CAMTA1: variants seen among roughly 807,000 people sequenced by gnomAD.
CAMTA1 encodes the protein calmodulin binding transcription activator 1, also known as calmodulin-binding transcription activator 1.
CAMTA1 carries 27 observed loss-of-function variants against 170.9 expected under a neutral mutation model. That is an observed-to-expected ratio of 0.16 (90% CI 0.12 to 0.22). The LOEUF (loss-of-function observed/expected upper bound fraction) is 0.22. CAMTA1 is among the 10% of genes least tolerant of loss of function. The pLI is 1.00. For missense variants in CAMTA1, 1,619 were observed against 2,217.2 expected (o/e 0.73, Z 5.42); for synonymous variants, 833 against 891.5 (o/e 0.93, Z 1.17).
At chr1:7,166,716 C>G (rs1237029278) in intron 4 of CAMTA1, among the ~76,000 whole-genome samples, 3 of 149,728 alleles carry the variant, frequency 2.0e-5, no homozygotes, top group African/African-American at 7.4e-5. Context: ...TGAGTTTGCT[C>G]TATGCATTAC....
chr1:7,574,492 G>A (rs561386121), intron 6 of CAMTA1, among the ~76,000 whole-genome samples: 1 of 152,162 alleles, frequency 6.6e-6, no homozygotes, highest in Non-Finnish European at 1.5e-5. Flanking sequence ...AATTACCTGA[G>A]GGGCTGACTC....
chr1:7,124,715 C>T (rs970042344), intron 4 of CAMTA1, among the ~76,000 whole-genome samples: 11 of 152,214 alleles, frequency 7.2e-5, no homozygotes, highest in Non-Finnish European at 4.4e-5. Context: ...GTTCTTGAGT[C>T]CCCACGGCGA....
Position 7,634,823 on chromosome 1 carries a change from C to T in CAMTA1, c.511-5577C>T, listed in dbSNP as rs769586589. ...TTGGTGGTGGTTGGTGGTGGTAGAG[C>T]GGGGCCTCTGTCTCTCCTGACGACA... On this transcript the variant is annotated intron_variant, in intron 6 of 22. Coordinates refer to ENST00000303635, the MANE Select transcript of CAMTA1 (RefSeq NM_015215.4). The surrounding 1 kb of genome is among the most constrained non-coding windows in gnomAD (Gnocchi z 6.2). Among the ~76,000 whole-genome samples the T allele has an allele frequency of 9.2e-5, 14 of 152,096 alleles. No homozygotes were observed. Among genetic ancestry groups the T allele is most frequent in the Non-Finnish European group, 1.5e-4 (10 of 68,000 alleles).
chr1:6,939,125 C>A (rs987729189), intron 3 of CAMTA1, among the ~76,000 whole-genome samples: 1 of 152,136 alleles, frequency 6.6e-6, no homozygotes, highest in African/African-American at 2.4e-5. Flanking sequence ...TGTTATGAGA[C>A]CCTAGGGCCT....
intron 6 of CAMTA1, among the ~76,000 whole-genome samples, chr1:7,608,689 A>G (rs887411594): frequency 6.6e-6 from 1 of 152,288 alleles, no homozygotes; most frequent in African/African-American, 2.4e-5. Context: ...ACTGGCCATC[A>G]GTTTGATCTG....
chr1:7,478,158 G>A (rs988886589), intron 6 of CAMTA1, among the ~76,000 whole-genome samples: 2 of 152,156 alleles, frequency 1.3e-5, no homozygotes, highest in Non-Finnish European at 2.9e-5. Flanking sequence ...CTTTCCAGCA[G>A]CTTTTACTCT....
intron 5 of CAMTA1, among the ~76,000 whole-genome samples, chr1:7,355,821 A>T (rs1055063559): frequency 8.8e-6 from 1 of 113,938 alleles, no homozygotes; most frequent in African/African-American, 3.5e-5. Context: ...CTCACAGGCC[A>T]CCTTGCTGGT....
chr1:7,279,149 A>G (rs1321829983), intron 5 of CAMTA1, among the ~76,000 whole-genome samples: 2 of 152,192 alleles, frequency 1.3e-5, no homozygotes, highest in African/African-American at 4.8e-5. Flanking sequence ...TGAACCCCGC[A>G]GTGCACCTAT....
chr1:7,096,830 C>T (rs1377029578), intron 4 of CAMTA1, among the ~76,000 whole-genome samples: 2 of 152,170 alleles, frequency 1.3e-5, no homozygotes, highest in African/African-American at 2.4e-5. Flanking sequence ...TTGATTCCAT[C>T]GTTATTCTAC....
At chr1:6,966,235 C>T (rs1190159485) in intron 3 of CAMTA1, among the ~76,000 whole-genome samples, 1 of 152,168 alleles carries the variant, frequency 6.6e-6, no homozygotes, top group African/African-American at 2.4e-5. Flanking sequence ...TATTCAATTC[C>T]ATGGCTTTTA....
chr1:7,071,921 G>T (rs943062568), intron 3 of CAMTA1, among the ~76,000 whole-genome samples: 1 of 152,252 alleles, frequency 6.6e-6, no homozygotes, highest in African/African-American at 2.4e-5. Flanking sequence ...TGAAGCAGAG[G>T]TTGGCTCTGC....
rs2095305710 is a variant in CAMTA1, at chr1:7,585,869, T to G, written c.511-54531T>G. Among the ~76,000 whole-genome samples, 1 of 150,708 alleles carries G rather than the reference T, an allele frequency of 6.6e-6. No individual in the cohort carries two copies. The highest frequency in any genetic ancestry group is 1.5e-5 in the Non-Finnish European group (1 of 67,680). ...CACCTCCCCTGCCTCCCACCTCCCC[T>G]CTCGATGCGGCTTTCATTATGTAAA... On this transcript the variant is annotated intron_variant, in intron 6 of 22. Transcript: ENST00000303635. This position sits in a 1 kb window ranked among gnomAD's most constrained non-coding sequence, Gnocchi z 4.8.
chr1:7,178,551 T>G (rs1271473337), intron 4 of CAMTA1, among the ~76,000 whole-genome samples: 1 of 152,154 alleles, frequency 6.6e-6, no homozygotes, highest in Non-Finnish European at 1.5e-5. Flanking sequence ...CTCTTTGCAT[T>G]TACATCCTGC....
chr1:7,107,820 A>G (rs751403343), intron 4 of CAMTA1, among the ~76,000 whole-genome samples: 1 of 152,146 alleles, frequency 6.6e-6, no homozygotes, highest in Non-Finnish European at 1.5e-5. Flanking sequence ...ACTCCAGCCC[A>G]TGTCTGTCTG....
chr1:7,428,049 C>T (rs115639956), intron 5 of CAMTA1, among the ~76,000 whole-genome samples: 2,540 of 152,184 alleles, frequency 0.017, 55 homozygotes, highest in African/African-American at 0.054. Context: ...AGTCGGCGTC[C>T]GTGGGAAACA....
intron 21 of CAMTA1, among the ~76,000 whole-genome samples, chr1:7,754,090 C>G (rs2096915680): frequency 6.6e-6 from 1 of 152,212 alleles, no homozygotes; most frequent in African/African-American, 2.4e-5. Context: ...TCCTTACATT[C>G]TCCAATACGT....
Position 7,156,534 on chromosome 1 carries a change from A to G in CAMTA1, c.302+65163A>G, listed in dbSNP as rs114696017. 2.8e-3 allele frequency among the ~76,000 whole-genome samples: 429 copies of G among 152,318 alleles called. 1 individual carries two copies. The highest frequency in any genetic ancestry group is 0.01 in the African/African-American group (417 of 41,574). On this transcript the variant is annotated intron_variant, in intron 4 of 22. Transcript: ENST00000303635. ...TCTGACCTGCACTGACTATTCACAG[A>G]TATTCTAGGGCTCCTACCTTGTTTG...
intron 5 of CAMTA1, among the ~76,000 whole-genome samples, chr1:7,332,732 T>C (rs1194683750): frequency 6.6e-6 from 1 of 152,210 alleles, no homozygotes; most frequent in Non-Finnish European, 1.5e-5. Context: ...AGGAGGCTGC[T>C]GATGATCTTT....
chr1:7,704,545 C>G (rs996198033), intron 11 of CAMTA1, among the ~76,000 whole-genome samples: 1 of 148,298 alleles, frequency 6.7e-6, no homozygotes, highest in East Asian at 2.0e-4. Context: ...GCGGCTCGGG[C>G]GCAGTTCCGG....
Sources: gnomAD v4.1 joint callset for allele counts (sites outside exome capture counted in the v4.1 genomes callset) on GRCh38, gnomAD v4.1.1 for gene constraint, Gnocchi (gnomAD v3.1) non-coding constraint, MANE v1.5 for transcripts, NCBI Gene and HGNC (gene_info 2026-07-23, HGNC 2026-07-21) for gene names.